The following C22orf42 variants were observed in gnomAD, a reference collection of about 807,000 sequenced individuals.
C22orf42 encodes the protein chromosome 22 open reading frame 42, also known as uncharacterized protein C22orf42.
In C22orf42, 24 loss-of-function variants were observed where a neutral mutation model predicts 31.4. That is an observed-to-expected ratio of 0.77 (90% confidence interval 0.55 to 1.08). The LOEUF (loss-of-function observed/expected upper bound fraction) is 1.08. Among genes scored for constraint, C22orf42 ranks in the 50% least tolerant of loss-of-function variants. The pLI is 0.00. For missense variants in C22orf42, 276 were observed against 327.3 expected, an observed-to-expected ratio of 0.84 and a Z score of 1.21; for synonymous variants, 96 against 112.7, an observed-to-expected ratio of 0.85 and a Z score of 0.94.
At position 32,150,074 on chromosome 22, in the gene C22orf42, T is replaced by C. The variant is rs944187547; in HGVS notation, c.654+245A>G. 7.2e-6 allele frequency: 4 copies of C among 556,636 alleles called. No individual in the cohort carries two copies. In the African/African-American group the frequency reaches 7.5e-5, roughly 10 times the overall value. The allele number at this position is 556,636 out of a possible 1,614,324, so 34.5% of individuals were successfully genotyped here. On this transcript the variant is annotated intron_variant, in intron 7 of 8. Coordinates refer to ENST00000382097, the MANE Select transcript of C22orf42 (RefSeq NM_001010859.3). The stretch of plus-strand genomic sequence containing the variant: ...TGTAAGTGATGCGCTCATTTTTGAC[T>C]ACTGTCATCCAGCAGGACTCAGTTG...
chr22:32,155,116 G>T (rs1921192739), intron 1 of C22orf42, among the ~76,000 whole-genome samples: 1 of 152,170 alleles, frequency 6.6e-6, no homozygotes, highest in Non-Finnish European at 1.5e-5. Flanking sequence ...GAATGTAGTT[G>T]GTTCCCTGGG....
intron 1 of C22orf42, among the ~76,000 whole-genome samples, chr22:32,155,766 C>T (rs1326913559): frequency 2.0e-5 from 3 of 152,116 alleles, no homozygotes; most frequent in African/African-American, 7.2e-5. Context: ...GGTGTCCTGG[C>T]ACATGGCTGT....
intron 4 of C22orf42, 58 bp downstream of exon 4, chr22:32,152,009 G>T: frequency 6.7e-7 from 1 of 1,503,208 alleles, no homozygotes; most frequent in Non-Finnish European, 9.1e-7. Flanking sequence ...TTAAATGAGT[G>T]AATTGTTTTG....
chr22:32,152,117 G>A (rs1439179837), intron 3 of C22orf42, 23 bp from the exon 4 acceptor site: 1 of 1,604,164 alleles, frequency 6.2e-7, no homozygotes, highest in Admixed American at 1.7e-5. Flanking sequence ...AAAAGAAAAA[G>A]AAACACCATG....
Position 32,152,061 on chromosome 22 carries a change from A to G in C22orf42, c.400+6T>C. On this transcript the variant is annotated splice_donor_region_variant and intron_variant, in intron 4 of 8. Transcript: ENST00000382097. Reference sequence around the variant, plus strand: ...AAATAAAGCTGTTTAAAAAAAAAATACGTACGGTGGTCGTGCTTGGCCTCA... The same window carrying G: ...AAATAAAGCTGTTTAAAAAAAAAATGCGTACGGTGGTCGTGCTTGGCCTCA... 1 of 1,600,626 alleles carries G rather than the reference A, an allele frequency of 6.2e-7. No individual in the cohort carries two copies. Among genetic ancestry groups the G allele is most frequent in the Non-Finnish European group, 8.5e-7 (1 of 1,176,074 alleles).
chr22:32,157,244 T>G (rs980696485), intron 1 of C22orf42, among the ~76,000 whole-genome samples: 15 of 152,040 alleles, frequency 9.9e-5, no homozygotes, highest in Non-Finnish European at 1.9e-4. Context: ...ACCAGCCTCC[T>G]AGCTGGTCTC....
chr22:32,156,918 C>T (rs956243880), intron 1 of C22orf42, among the ~76,000 whole-genome samples: 1 of 152,230 alleles, frequency 6.6e-6, no homozygotes, highest in Non-Finnish European at 1.5e-5. Context: ...AATTCCCCTT[C>T]GTGGAGTCGA....
chr22:32,157,853 G>C (rs576172435), intron 1 of C22orf42, among the ~76,000 whole-genome samples: 54 of 152,396 alleles, frequency 3.5e-4, no homozygotes, highest in Non-Finnish European at 7.1e-4. Flanking sequence ...CCACCCAATG[G>C]CTCACACCTC....
At chr22:32,149,906 C>T (rs992723398) in intron 7 of C22orf42, 126 bp from the exon 8 acceptor site, 20 of 662,422 alleles carry the variant, frequency 3.0e-5, no homozygotes, top group East Asian at 1.2e-4. Context: ...ACTGGCCCCC[C>T]GAATGAAGCA....
intron 7 of C22orf42, 131 bp downstream of exon 7, chr22:32,150,188 T>G (rs1161768261): frequency 4.3e-6 from 4 of 929,290 alleles, no homozygotes; most frequent in East Asian, 5.1e-5. Context: ...TCCCTTGATA[T>G]TCCAGCCAAC....
In C22orf42 at chr22:32,150,303, A is replaced by G. The variant is rs780891132; in HGVS notation, c.654+16T>C. ...AGAAAAAACATTTCTCTTCCAGACA[A>G]AGAAATGCATCTTACCATCTCCGGT... On this transcript the variant is annotated intron_variant, in intron 7 of 8. Coordinates refer to ENST00000382097, the MANE Select transcript of C22orf42 (RefSeq NM_001010859.3). The G allele has an allele frequency of 1.2e-6, 2 of 1,609,834 alleles. No homozygotes were observed. Among genetic ancestry groups the G allele is most frequent in the African/African-American group, 1.3e-5 (1 of 74,860 alleles).
rs2094107753 is a variant in C22orf42, at chr22:32,149,276, T to C, written c.*264A>G. ...CAGCTCTTCAGATGCAGCAGATGGATTGACCCACTCTGTAATGACCCAGGA... is the reference window on the plus strand; with the variant it reads ...CAGCTCTTCAGATGCAGCAGATGGACTGACCCACTCTGTAATGACCCAGGA... On this transcript the variant is annotated 3_prime_UTR_variant, in exon 9 of 9. Coordinates refer to ENST00000382097, the MANE Select transcript of C22orf42 (RefSeq NM_001010859.3). 2 of 234,382 alleles carry C rather than the reference T, an allele frequency of 8.5e-6. No homozygotes were observed. The highest frequency in any genetic ancestry group is 8.2e-6 in the Non-Finnish European group (1 of 121,818). 14.5% of individuals were successfully genotyped at this position (234,382 alleles called of 1,614,324 possible). A position where few individuals can be genotyped will look rare whatever the true frequency, so the allele number is the denominator to read the frequency against.
At position 32,152,552 on chromosome 22, in the gene C22orf42, T is replaced by C. The variant is rs1468569302; in HGVS notation, c.372+10A>G. On this transcript the variant is annotated intron_variant, in intron 3 of 8. Transcript: ENST00000382097. ...AGCATTTCTCTTCCAGAGAAAGAAATACATCTTACAATATCTGATGTCATA... is the reference window on the plus strand; with the variant it reads ...AGCATTTCTCTTCCAGAGAAAGAAACACATCTTACAATATCTGATGTCATA... 1.3e-6 allele frequency: 2 copies of C among 1,597,790 alleles called. No individual in the cohort carries two copies. The highest frequency in any genetic ancestry group is 1.7e-5 in the Admixed American group (1 of 60,000).
At chr22:32,157,653 A>G (rs1346235507) in intron 1 of C22orf42, among the ~76,000 whole-genome samples, 14 of 152,370 alleles carry the variant, frequency 9.2e-5, no homozygotes, top group African/African-American at 3.1e-4. Flanking sequence ...TCAAAAAGAA[A>G]GGGACATAAC....
rs369818111 is a variant in C22orf42 at position 32,154,310 on chromosome 22, C to T, written c.241G>A (p.Ala81Thr). ...ATTTTTAACCAGCGCTTGGAGCGGG[C>T]GTCCAAACCTGCAAGGTAGAGCAGA... ...KMLKMSKGLD[A>T]RSKRWLKIIW... The change falls in exon 2 of 9, where the codon GCC (alanine) becomes ACC (threonine). Residue 81 changes from alanine to threonine, a missense_variant. Transcript: ENST00000382097. The T allele has an allele frequency of 1.6e-5, 25 of 1,612,652 alleles. No individual in the cohort carries two copies. The highest frequency in any genetic ancestry group is 2.2e-5 in the South Asian group (2 of 90,706).
rs774791560 is a variant in C22orf42 at position 32,150,459 on chromosome 22, C to T, written c.514G>A (p.Glu172Lys). The T allele has an allele frequency of 1.5e-5, 24 of 1,614,106 alleles. No individual in the cohort carries two copies. The highest frequency in any genetic ancestry group is 2.0e-5 in the Non-Finnish European group (24 of 1,180,020). Residue 172 changes from glutamate to lysine, a missense_variant, in exon 7 of 9, where the codon GAA (glutamate) becomes AAA (lysine). Physicochemically the swap from Glu to Lys is moderately conservative, Grantham distance 56. Transcript: ENST00000382097. ...HDHHLVEDLS[E>K]SLSVCLEDFM... ...TCTTCAAGACAGACAGATAGGCTTT[C>T]ACTGAGATCTTCGACCAAATCTAGG...
At position 32,159,026 on chromosome 22, in the gene C22orf42, G is replaced by A. The variant is rs762357889; in HGVS notation, c.190C>T (p.Leu64Phe). ...ATCTTCGGCGTCTTCGGGAGGCTGAGGTACTGCATGAGTTGGGCCTTCTTA... is the reference window on the plus strand; with the variant it reads ...ATCTTCGGCGTCTTCGGGAGGCTGAAGTACTGCATGAGTTGGGCCTTCTTA... ...KAKKAQLMQY[L>F]SLPKTPKMLK... is the part of the protein sequence containing the mutation. Residue 64 changes from leucine to phenylalanine, a missense_variant, in exon 1 of 9, where the codon CTC becomes TTC. Leu to Phe is a conservative substitution (Grantham distance 22). Transcript: ENST00000382097. 3 of 1,614,174 alleles carry A rather than the reference G, an allele frequency of 1.9e-6. No individual in the cohort carries two copies. The highest frequency in any genetic ancestry group is 3.3e-5 in the Admixed American group (2 of 60,022).
At position 32,151,590 on chromosome 22, in the gene C22orf42, G is replaced by T. The variant is rs370085704; in HGVS notation, c.401-39C>A. 720 of 1,600,642 alleles carry T rather than the reference G, an allele frequency of 4.5e-4. 5 individuals carry two copies. Among genetic ancestry groups the T allele is most frequent in the South Asian group, 4.0e-3 (361 of 90,802 alleles). On this transcript the variant is annotated intron_variant, in intron 4 of 8. Transcript: ENST00000382097. ...GAGTGACAGTCAGTGCATTGGTGCT[G>T]CTGAGGAATCCCACAAGGAGCCCTG...
chr22:32,156,362 A>G (rs1461972212), intron 1 of C22orf42, among the ~76,000 whole-genome samples: 4 of 151,612 alleles, frequency 2.6e-5, no homozygotes, highest in Non-Finnish European at 4.4e-5. Flanking sequence ...AGGATCAAAT[A>G]AAATGCAAGA....
Sources: gnomAD v4.1 joint callset for allele counts (sites outside exome capture counted in the v4.1 genomes callset) on GRCh38, gnomAD v4.1.1 for gene constraint, MANE v1.5 for transcripts, NCBI Gene and HGNC (gene_info 2026-07-23, HGNC 2026-07-21) for gene names.